C1orf94: variants seen among roughly 807,000 people sequenced by gnomAD.
The protein encoded by C1orf94 is uncharacterized protein C1orf94.
C1orf94 carries 45 observed loss-of-function variants against 53.6 expected under a neutral mutation model. The observed-to-expected ratio is 0.84, with a 90% CI of 0.66 to 1.08. The LOEUF is 1.08. Ranked by LOEUF, C1orf94 falls within the 50% of genes least tolerant of loss-of-function variation. The pLI is 0.00. For synonymous variants in C1orf94, 304 were observed against 296.1 expected, an observed-to-expected ratio of 1.03 and a Z score of -0.27; for missense variants, 762 against 738.9, an observed-to-expected ratio of 1.03 and a Z score of -0.36.
intron 4 of C1orf94, among the ~76,000 whole-genome samples, chr1:34,205,647 T>A (rs1442443736): frequency 1.3e-5 from 2 of 152,218 alleles, no homozygotes; most frequent in African/African-American, 2.4e-5. Flanking sequence ...TTATTATTAT[T>A]CAGCCTCAAT....
Position 34,178,017 on chromosome 1 carries a change from G to T in C1orf94, c.228G>T (p.Leu76=), listed in dbSNP as rs1201512888. Residue 76 remains leucine (L), a synonymous_variant, in exon 1 of 7, where the codon CTG becomes CTT. Coordinates refer to ENST00000488417, the MANE Select transcript of C1orf94 (RefSeq NM_001134734.2). ...CHEIWKRVQG[L]PEASQPWTSM... is the part of the protein sequence containing the mutation. ...AAATCTGGAAGAGAGTTCAAGGCCTGCCTGAGGCCTCACAGCCCTGGACCT... is the reference window on the plus strand; with the variant it reads ...AAATCTGGAAGAGAGTTCAAGGCCTTCCTGAGGCCTCACAGCCCTGGACCT... 3.6e-5 allele frequency: 56 copies of T among 1,551,636 alleles called. No homozygotes were observed. The highest frequency in any genetic ancestry group is 4.8e-5 in the Non-Finnish European group (55 of 1,147,010).
intron 6 of C1orf94, among the ~76,000 whole-genome samples, chr1:34,216,037 A>T (rs890928463): frequency 6.6e-6 from 1 of 152,104 alleles, no homozygotes; most frequent in Non-Finnish European, 1.5e-5. Flanking sequence ...AAACAAACAA[A>T]CAAAAAACAA....
chr1:34,183,535 C>A (rs1446091484), intron 1 of C1orf94, among the ~76,000 whole-genome samples: 1 of 152,162 alleles, frequency 6.6e-6, no homozygotes, highest in African/African-American at 2.4e-5. Context: ...GTGGCATGAA[C>A]ACAGATACAT....
At chr1:34,186,852 G>A (rs552204081) in intron 1 of C1orf94, among the ~76,000 whole-genome samples, 1 of 152,264 alleles carries the variant, frequency 6.6e-6, no homozygotes, top group African/African-American at 2.4e-5. Context: ...CTGCACTATG[G>A]GCTTCTTAAG....
At chr1:34,202,374 C>G (rs1233204743) in intron 4 of C1orf94, 115 bp downstream of exon 4, 3 of 1,178,142 alleles carry the variant, frequency 2.5e-6, no homozygotes, top group East Asian at 2.5e-5. Context: ...TGAATCCCTT[C>G]CCTACATGCA....
chr1:34,211,861 T>C (rs914511583), intron 5 of C1orf94, among the ~76,000 whole-genome samples: 1 of 152,120 alleles, frequency 6.6e-6, no homozygotes, highest in South Asian at 2.1e-4. Context: ...GAGATGGTTA[T>C]TGACAGAGGG....
chr1:34,218,707 G>A lies in C1orf94; in HGVS notation c.1743G>A (p.Gly581=). 1 of 1,612,250 alleles carries A rather than the reference G, an allele frequency of 6.2e-7. No individual in the cohort carries two copies. Among genetic ancestry groups the A allele is most frequent in the Non-Finnish European group, 8.5e-7 (1 of 1,178,808 alleles). ...CCAGGTTCGGCTCGACATCCGGAGG[G>A]CCCTTGATGCACAGCCCCTATTTTT... ...QGYGFGSTSG[G]PLMHSPYFSS... is the part of the protein sequence containing the mutation. Residue 581 remains glycine (G), a synonymous_variant, in exon 7 of 7, where the codon GGG becomes GGA. Coordinates refer to ENST00000488417, the MANE Select transcript of C1orf94 (RefSeq NM_001134734.2).
intron 1 of C1orf94, among the ~76,000 whole-genome samples, chr1:34,186,283 C>T (rs1057423172): frequency 7.9e-5 from 12 of 152,268 alleles, no homozygotes; most frequent in East Asian, 5.8e-4. Flanking sequence ...AAAGTCACAG[C>T]GACTATTTCA....
chr1:34,173,608 C>T (rs1455383809), upstream of C1orf94, among the ~76,000 whole-genome samples: 1 of 152,178 alleles, frequency 6.6e-6, no homozygotes, highest in Non-Finnish European at 1.5e-5. Flanking sequence ...TCACTGGATA[C>T]ATACATTAGC....
chr1:34,197,895 G>C lies in C1orf94; in HGVS notation c.991G>C (p.Glu331Gln), dbSNP rs779214048. ...CAAGCCCAAGGCTGACCCTGCTGTG[G>C]AGAGGCACCACTTGATGGGTGAGTG... ...CSKPKADPAV[E>Q]RHHLMEWSPG... Residue 331 changes from glutamate to glutamine, a missense_variant, in exon 2 of 7, where the codon GAG becomes CAG. Transcript: ENST00000488417. This position sits in a 1 kb window ranked among gnomAD's most constrained non-coding sequence, Gnocchi z 4.1. The C allele has an allele frequency of 1.2e-5, 20 of 1,613,592 alleles. No individual in the cohort carries two copies. The highest frequency in any genetic ancestry group is 2.7e-5 in the African/African-American group (2 of 74,934).
At position 34,218,803 on chromosome 1, in the gene C1orf94, G is replaced by C; in HGVS notation, c.*42G>C. ...TCTCCTCCCTTAGCCCTTGGATCAG[G>C]ACTAGGGGCTCTGATTTTTGGATTC... On this transcript the variant is annotated 3_prime_UTR_variant, in exon 7 of 7. Transcript: ENST00000488417. 6.6e-7 allele frequency: 1 copy of C among 1,511,144 alleles called. No homozygotes were observed. The allele number at this position is 1,511,144 out of a possible 1,614,324, so 93.6% of individuals were successfully genotyped here. A position where few individuals can be genotyped will look rare whatever the true frequency, so the allele number is the denominator to read the frequency against.
intron 6 of C1orf94, 87 bp from the exon 7 acceptor site, chr1:34,218,599 A>C: frequency 9.3e-7 from 1 of 1,079,448 alleles, no homozygotes. Flanking sequence ...TGTTTCTGAC[A>C]ACCATAAAAT....
intron 1 of C1orf94, among the ~76,000 whole-genome samples, chr1:34,184,879 T>C (rs1642362269): frequency 6.6e-6 from 1 of 152,160 alleles, no homozygotes; most frequent in South Asian, 2.1e-4. Context: ...AACCTGGTGA[T>C]GGGAGTGATA....
chr1:34,195,541 C>T (rs1272307148), intron 1 of C1orf94, among the ~76,000 whole-genome samples: 2 of 152,080 alleles, frequency 1.3e-5, no homozygotes, highest in African/African-American at 4.8e-5. Context: ...ACTATTGGTA[C>T]ATTCCCATGT....
intron 5 of C1orf94, 140 bp downstream of exon 5, chr1:34,208,374 C>G: frequency 1.3e-6 from 1 of 798,550 alleles, no homozygotes; most frequent in East Asian, 2.7e-5. Context: ...ACTCACATAC[C>G]GGCATGCGTG....
At chr1:34,187,544 T>C (rs896622240) in intron 1 of C1orf94, among the ~76,000 whole-genome samples, 1 of 151,706 alleles carries the variant, frequency 6.6e-6, no homozygotes, top group Non-Finnish European at 1.5e-5. Context: ...CTTTTTAATA[T>C]CTTTGTTGCA....
chr1:34,167,537 A>G (rs966970584), intron 1 of C1orf94, among the ~76,000 whole-genome samples: 1 of 151,700 alleles, frequency 6.6e-6, no homozygotes, highest in Non-Finnish European at 1.5e-5. Context: ...TATCCCTGCA[A>G]AAGGCCCAGT....
upstream of C1orf94, among the ~76,000 whole-genome samples, chr1:34,174,390 C>A (rs1473957869): frequency 1.3e-5 from 2 of 152,192 alleles, no homozygotes; most frequent in African/African-American, 4.8e-5. Context: ...AGCAAGTATT[C>A]TTCATTATCA....
chr1:34,202,021 A>G (rs758917536), intron 3 of C1orf94, 63 bp from the exon 4 acceptor site: 118 of 1,549,782 alleles, frequency 7.6e-5, no homozygotes, highest in Non-Finnish European at 1.0e-4. Flanking sequence ...TGCGATGCTG[A>G]AGGTGTCCTG....
Sources: gnomAD v4.1 joint callset for allele counts (sites outside exome capture counted in the v4.1 genomes callset) on GRCh38, gnomAD v4.1.1 for gene constraint, Gnocchi (gnomAD v3.1) non-coding constraint, MANE v1.5 for transcripts, NCBI Gene and HGNC (gene_info 2026-07-23, HGNC 2026-07-21) for gene names.